The following ODR4 variants were observed in gnomAD, a reference collection of about 807,000 sequenced individuals.
ODR4 encodes the protein odr-4 GPCR localization factor homolog.
In ODR4, 47 loss-of-function variants were observed where a neutral mutation model predicts 60.2. That is an observed-to-expected ratio of 0.78 (90% CI 0.62 to 1.00). The LOEUF (loss-of-function observed/expected upper bound fraction) is 1.00. ODR4 is among the 50% of genes least tolerant of loss of function. ODR4 has a pLI of 0.00. For missense variants in ODR4, 488 were observed against 530.8 expected (o/e 0.92, Z 0.79); for synonymous variants, 178 against 175.5 (o/e 1.01, Z -0.11).
intron 12 of ODR4, 97 bp from the exon 13 acceptor site, chr1:186,417,447 G>A (rs552267085): frequency 2.8e-6 from 2 of 703,854 alleles, no homozygotes; most frequent in East Asian, 2.8e-5. Context: ...AAAGAAAATG[G>A]TGATGATCGT....
At chr1:186,429,939 T>G in the ODR4 span, among the ~76,000 whole-genome samples, 1 of 152,150 alleles carries the variant, frequency 6.6e-6, no homozygotes, top group African/African-American at 2.4e-5. Context: ...TAAATTAATA[T>G]GTTAATAGGT....
At chr1:186,396,465 TG>T (rs1660680147) in intron 9 of ODR4, among the ~76,000 whole-genome samples, 1 of 151,904 alleles carries the variant, frequency 6.6e-6, no homozygotes, top group Non-Finnish European at 1.5e-5. Context: ...AAAAATTAGC[TG>T]GGGGTGATGG....
chr1:186,395,569 A>C (rs1660640110), intron 9 of ODR4, among the ~76,000 whole-genome samples: 1 of 151,930 alleles, frequency 6.6e-6, no homozygotes, highest in African/African-American at 2.4e-5. Context: ...CTTTTCTTTT[A>C]TTTTCCATAC....
chr1:186,405,794 T>C (rs1043310230), intron 11 of ODR4, among the ~76,000 whole-genome samples: 1 of 152,042 alleles, frequency 6.6e-6, no homozygotes, highest in African/African-American at 2.4e-5. Context: ...TCAAGTGATC[T>C]GCCCACCTCA....
chr1:186,426,347 G>A (rs1661879275), downstream of ODR4, among the ~76,000 whole-genome samples: 1 of 152,228 alleles, frequency 6.6e-6, no homozygotes, highest in Non-Finnish European at 1.5e-5. Flanking sequence ...GGGTGGCCCT[G>A]CTCCACGTGA....
chr1:186,378,205 T>C (rs1659866941), intron 1 of ODR4, among the ~76,000 whole-genome samples: 1 of 152,244 alleles, frequency 6.6e-6, no homozygotes, highest in Non-Finnish European at 1.5e-5. Context: ...GTTTTGTGAC[T>C]GACAGTTTAC....
intron 11 of ODR4, chr1:186,400,729 G>A (rs1447724285): frequency 3.8e-6 from 1 of 261,984 alleles, no homozygotes; most frequent in African/African-American, 2.3e-5. Context: ...CTAGTATGCT[G>A]GATTCTATGA....
intron 2 of ODR4, among the ~76,000 whole-genome samples, chr1:186,381,623 G>A (rs1200013587): frequency 4.6e-5 from 7 of 152,020 alleles, no homozygotes; most frequent in African/African-American, 1.2e-4. Flanking sequence ...CACCGCGCCC[G>A]GCCTAAGGCC....
the ODR4 span, among the ~76,000 whole-genome samples, chr1:186,433,971 G>A: frequency 6.6e-6 from 1 of 152,262 alleles, no homozygotes; most frequent in South Asian, 2.1e-4. Flanking sequence ...ACGCGATCTA[G>A]CAAAGGTTCA....
chr1:186,425,173 C>G (rs969146972), downstream of ODR4, among the ~76,000 whole-genome samples: 5 of 152,056 alleles, frequency 3.3e-5, no homozygotes, highest in Non-Finnish European at 5.9e-5. Flanking sequence ...GCTCAAGACC[C>G]AGAATCTCAT....
Position 186,420,857 on chromosome 1 carries a change from A to G in ODR4, c.*1781A>G, listed in dbSNP as rs1661747972. The G allele has an allele frequency of 6.6e-6, 1 of 152,204 alleles. No individual in the cohort carries two copies. Among genetic ancestry groups the G allele is most frequent in the Non-Finnish European group, 1.5e-5 (1 of 68,030 alleles). 9.4% of individuals were successfully genotyped at this position (152,204 alleles called of 1,614,324 possible). On this transcript the variant is annotated 3_prime_UTR_variant, in exon 14 of 14. Transcript: ENST00000287859. Reference sequence around the variant, plus strand: ...ACTTGAAAGATAACACAATTTTACAAATTTGTTGGAAAAACATGAATTCAT... The same window carrying G: ...ACTTGAAAGATAACACAATTTTACAGATTTGTTGGAAAAACATGAATTCAT...
Position 186,417,645 on chromosome 1 carries a change from C to T in ODR4, c.1288C>T (p.Gln430Ter), listed in dbSNP as rs1378406443. The T allele has an allele frequency of 6.5e-7, 1 of 1,541,110 alleles. No homozygotes were observed. Among genetic ancestry groups the T allele is most frequent in the East Asian group, 2.3e-5 (1 of 43,866 alleles). ...AACTACAATGTTATTGAAAATTCAG[C>T]AAAACATAGGTATTTAATTTTACTT... ...IKTTMLLKIQ[Q>*]NIGVIAAFTV... Residue 430 changes from glutamine (Q) to a stop codon, truncating the protein, a stop_gained, in exon 13 of 14, where the codon CAA (glutamine) becomes TAA (stop). Coordinates refer to ENST00000287859, the MANE Select transcript of ODR4 (RefSeq NM_017847.6). LOFTEE classifies it high-confidence loss of function.
the ODR4 span, among the ~76,000 whole-genome samples, chr1:186,428,840 A>G: frequency 6.6e-6 from 1 of 152,216 alleles, no homozygotes; most frequent in Admixed American, 6.5e-5. Context: ...AGTAATCAGA[A>G]CACACACAAT....
Position 186,375,950 on chromosome 1 carries a change from C to T in ODR4, c.-44C>T, listed in dbSNP as rs1571650378. 9.4e-6 allele frequency: 2 copies of T among 212,752 alleles called. No homozygotes were observed. Among genetic ancestry groups the T allele is most frequent in the Non-Finnish European group, 2.1e-5 (2 of 97,344 alleles). The allele number at this position is 212,752 out of a possible 1,614,324, so 13.2% of individuals were successfully genotyped here. On this transcript the variant is annotated 5_prime_UTR_variant, in exon 1 of 14. Coordinates refer to ENST00000287859, the MANE Select transcript of ODR4 (RefSeq NM_017847.6). ...AGAGACCGTCCGAGGTAATTGTCTG[C>T]CACGAGTGCACATTCTGAAAACAGG...
At position 186,420,499 on chromosome 1, in the gene ODR4, C is replaced by T. The variant is rs1661735967; in HGVS notation, c.*1423C>T. The T allele has an allele frequency of 6.6e-6, 1 of 152,120 alleles. No homozygotes were observed. Among genetic ancestry groups the T allele is most frequent in the Non-Finnish European group, 1.5e-5 (1 of 68,014 alleles). The allele number at this position is 152,120 out of a possible 1,614,324, so 9.4% of individuals were successfully genotyped here. A position where few individuals can be genotyped will look rare whatever the true frequency, so the allele number is the denominator to read the frequency against. On this transcript the variant is annotated 3_prime_UTR_variant, in exon 14 of 14. Coordinates refer to ENST00000287859, the MANE Select transcript of ODR4 (RefSeq NM_017847.6). ...ACAAGAAAGCTATAGAAAAAATAAA[C>T]ATTGAACTCAGTTCTTCAAGGTTTC...
chr1:186,418,986 T>C (rs1661687913), intron 13 of ODR4, 23 bp from the exon 14 acceptor site: 1 of 1,588,874 alleles, frequency 6.3e-7, no homozygotes, highest in Non-Finnish European at 8.6e-7. Flanking sequence ...TTTTCATTTG[T>C]TCTGTGTTTG....
At chr1:186,400,232 C>T (rs915582407) in intron 11 of ODR4, among the ~76,000 whole-genome samples, 3 of 150,700 alleles carry the variant, frequency 2.0e-5, no homozygotes, top group Non-Finnish European at 3.0e-5. Context: ...CCTCGTGATC[C>T]GCCCGTCTCG....
At chr1:186,407,876 TTA>T (rs1256119253) in intron 12 of ODR4, among the ~76,000 whole-genome samples, 1 of 152,130 alleles carries the variant, frequency 6.6e-6, no homozygotes, top group Non-Finnish European at 1.5e-5. Context: ...AGCTGAACTT[TTA>T]GAAGATCCAC....
chr1:186,379,707 A>T, intron 1 of ODR4, 60 bp from the exon 2 acceptor site: 1 of 894,294 alleles, frequency 1.1e-6, no homozygotes. Flanking sequence ...TACTCCCATG[A>T]TAAAGACATT....
Sources: gnomAD v4.1 joint callset for allele counts (sites outside exome capture counted in the v4.1 genomes callset) on GRCh38, gnomAD v4.1.1 for gene constraint, MANE v1.5 for transcripts, NCBI Gene and HGNC (gene_info 2026-07-23, HGNC 2026-07-21) for gene names.